DNAH10: variants seen among roughly 807,000 people sequenced by gnomAD.
DNAH10 encodes the protein axonemal beta dynein heavy chain 10.
Under a neutral mutation model 506.6 loss-of-function variants are expected in DNAH10, and 348 were observed. That is an observed-to-expected ratio of 0.69 (90% CI 0.63 to 0.75). DNAH10 has a LOEUF of 0.75. Among genes scored for constraint, DNAH10 ranks in the 30% least tolerant of loss-of-function variants. The probability of loss-of-function intolerance (pLI) is 0.00; values close to 1 mark genes in which losing one functional copy is unlikely to be tolerated. For synonymous variants in DNAH10, 2,059 were observed against 2,198.6 expected, an observed-to-expected ratio of 0.94 and a Z score of 1.78; for missense variants, 5,179 against 5,787.1, an observed-to-expected ratio of 0.89 and a Z score of 3.41.
At chr12:123,763,310 C>T (rs1426279923) in intron 1 of DNAH10, among the ~76,000 whole-genome samples, 2 of 152,098 alleles carry the variant, frequency 1.3e-5, no homozygotes, top group African/African-American at 4.8e-5. Flanking sequence ...GGAGGCAGGA[C>T]AACTCGCTTC....
chr12:123,805,131 G>A (rs951862814), intron 18 of DNAH10, 91 bp downstream of exon 18: 2 of 1,359,484 alleles, frequency 1.5e-6, no homozygotes, highest in South Asian at 1.4e-5. Context: ...GCAAGGTAGA[G>A]AATGAAAATC....
At position 123,894,665 on chromosome 12, in the gene DNAH10, T is replaced by G. The variant is rs1270886341; in HGVS notation, c.9222T>G (p.Ile3074Met). Residue 3074 changes from isoleucine (I) to methionine (M), a missense_variant, in exon 54 of 79, where the codon ATT becomes ATG. This residue lies in a region of DNAH10 where 4,844 missense variants were observed against 5,430.5 expected (regional missense o/e 0.89). Coordinates refer to ENST00000673944, the MANE Select transcript of DNAH10 (RefSeq NM_001372106.1). ...AAGGTATGGTAAATAACACTGGTAT[T>G]GACTGGTTCATGCCCTGGCCTCCCC... is the stretch of plus-strand genomic sequence containing the variant. ...NFPGMVNNTG[I>M]DWFMPWPPQA... is the part of the protein sequence containing the mutation. 1 of 1,614,054 alleles carries G rather than the reference T, an allele frequency of 6.2e-7. No individual in the cohort carries two copies. Among genetic ancestry groups the G allele is most frequent in the East Asian group, 2.2e-5 (1 of 44,884 alleles).
rs1031056746 is a variant in DNAH10, at chr12:123,902,098, A to G, written c.9641-841A>G. Among the ~76,000 whole-genome samples the G allele has an allele frequency of 3.3e-5, 5 of 152,048 alleles. No homozygotes were observed. The highest frequency in any genetic ancestry group is 1.2e-4 in the African/African-American group (5 of 41,384). ...TTGTTGGCAGCCCTTGGTATTCCTT[A>G]GCTTAGCTTATAAATGCACCACTCC... On this transcript the variant is annotated intron_variant, in intron 56 of 78. Transcript: ENST00000673944. This position sits in a 1 kb window ranked among gnomAD's most constrained non-coding sequence, Gnocchi z 4.5.
chr12:123,925,076 G>A lies in DNAH10; in HGVS notation c.11793G>A (p.Gln3931=). 6.2e-7 allele frequency: 1 copy of A among 1,614,014 alleles called. No individual in the cohort carries two copies. The highest frequency in any genetic ancestry group is 8.5e-7 in the Non-Finnish European group (1 of 1,179,882). ...QEWYDLDSLE[Q]FPVPLGYDNN... is the part of the protein sequence containing the mutation. ...GGTATGACCTGGATTCACTGGAGCA[G>A]TTTCCCGTCCCCTTGGGTTACGATA... Residue 3931 remains glutamine, a synonymous_variant, in exon 68 of 79, where the codon CAG becomes CAA. Transcript: ENST00000673944. This position sits in a 1 kb window ranked among gnomAD's most constrained non-coding sequence, Gnocchi z 4.0.
intron 19 of DNAH10, among the ~76,000 whole-genome samples, chr12:123,812,467 C>T (rs1458756556): frequency 6.6e-6 from 1 of 152,014 alleles, no homozygotes; most frequent in Non-Finnish European, 1.5e-5. Flanking sequence ...AACAACAAAA[C>T]AAACAAACAA....
At chr12:123,805,839 T>TGC (rs1958653251) in intron 18 of DNAH10, among the ~76,000 whole-genome samples, 1 of 150,938 alleles carries the variant, frequency 6.6e-6, no homozygotes, top group Non-Finnish European at 1.5e-5. Context: ...TGCAGTGGCA[T>TGC]GATCTCGGCT....
In DNAH10 at chr12:123,893,544, C is replaced by T. The variant is rs551751060; in HGVS notation, c.9199+108C>T. 5.2e-5 allele frequency: 66 copies of T among 1,274,040 alleles called. 1 individual carries two copies. Among genetic ancestry groups the T allele is most frequent in the East Asian group, 9.6e-5 (4 of 41,748 alleles). 78.9% of individuals were successfully genotyped at this position (1,274,040 alleles called of 1,614,324 possible). A position where few individuals can be genotyped will look rare whatever the true frequency, so the allele number is the denominator to read the frequency against. ...TCCCCCAGCAAAGCAAAACAAGACA[C>T]GGCCATTAGGTGGAAATGTGGGCTC... On this transcript the variant is annotated intron_variant, in intron 53 of 78. Coordinates refer to ENST00000673944, the MANE Select transcript of DNAH10 (RefSeq NM_001372106.1).
chr12:123,858,923 G>C (rs1464889466), intron 37 of DNAH10, among the ~76,000 whole-genome samples: 3 of 152,180 alleles, frequency 2.0e-5, no homozygotes, highest in Non-Finnish European at 4.4e-5. Context: ...CAGGGGCTGG[G>C]GGAAAGGGGA....
intron 4 of DNAH10, 39 bp from the exon 5 acceptor site, chr12:123,774,110 C>A: frequency 7.4e-7 from 1 of 1,353,272 alleles, no homozygotes; most frequent in Non-Finnish European, 1.0e-6. Context: ...TGGCTGCTCT[C>A]TCCCACTGAC....
At chr12:123,888,255 A>AGGGAAGGTACCATTAACATCCTC (rs1265930880) in intron 52 of DNAH10, among the ~76,000 whole-genome samples, 3 of 152,150 alleles carry the variant, frequency 2.0e-5, no homozygotes, top group Non-Finnish European at 4.4e-5. Flanking sequence ...CAAACCTAAT[A>AGGGAAGGTACCATTAACATCCTC]GGGAAGGTAC....
chr12:123,803,560 C>T, intron 16 of DNAH10, 101 bp from the exon 17 acceptor site: 1 of 1,214,902 alleles, frequency 8.2e-7, no homozygotes. Flanking sequence ...CAGGGTCTTT[C>T]CTGCAAAGGG....
At chr12:123,765,440 C>T (rs932135819) in intron 1 of DNAH10, among the ~76,000 whole-genome samples, 4 of 152,170 alleles carry the variant, frequency 2.6e-5, no homozygotes, top group Admixed American at 2.0e-4. Flanking sequence ...CTAGGGGTAA[C>T]CACTATTATT....
intron 41 of DNAH10, among the ~76,000 whole-genome samples, 153 bp downstream of exon 41, chr12:123,866,226 ACACTTTTTTTT>A (rs1261695619): frequency 1.2e-5 from 1 of 85,598 alleles, no homozygotes; most frequent in Non-Finnish European, 2.6e-5. Context: ...CATGGCAGAC[ACACTTTTTTTT>A]TTTTTTTTTT....
intron 5 of DNAH10, among the ~76,000 whole-genome samples, chr12:123,775,746 CAT>C (rs1487583407): frequency 4.6e-5 from 7 of 152,040 alleles, no homozygotes; most frequent in African/African-American, 1.7e-4. Flanking sequence ...TGTGGGAAAA[CAT>C]ATTGCTGGGG....
At chr12:123,873,204 C>T (rs1952105954) in intron 45 of DNAH10, among the ~76,000 whole-genome samples, 1 of 152,214 alleles carries the variant, frequency 6.6e-6, no homozygotes, top group African/African-American at 2.4e-5. Flanking sequence ...GATGCCATTA[C>T]GATCGTCTTA....
In DNAH10 at chr12:123,826,743, C is replaced by G. The variant is rs754980240; in HGVS notation, c.4236C>G (p.Leu1412=). 2 of 1,613,842 alleles carry G rather than the reference C, an allele frequency of 1.2e-6. No homozygotes were observed. The highest frequency in any genetic ancestry group is 1.7e-6 in the Non-Finnish European group (2 of 1,179,798). ...GGATCAACCTGAATGTGCAGATTCT[C>G]CAGGAAGGAATTGAAGGTTTTCTCA... ...TLWINLNVQI[L]QEGIEGFLRA... Residue 1412 remains leucine, a synonymous_variant, in exon 25 of 79, where the codon CTC becomes CTG. Coordinates refer to ENST00000673944, the MANE Select transcript of DNAH10 (RefSeq NM_001372106.1).
chr12:123,866,855 A>C (rs1951832011), intron 41 of DNAH10, among the ~76,000 whole-genome samples: 1 of 152,226 alleles, frequency 6.6e-6, no homozygotes, highest in Non-Finnish European at 1.5e-5. Flanking sequence ...TGGATGTGAC[A>C]GTCACGTGCG....
chr12:123,836,731 C>T (rs1456469555), intron 28 of DNAH10, among the ~76,000 whole-genome samples: 3 of 152,090 alleles, frequency 2.0e-5, no homozygotes, highest in African/African-American at 7.2e-5. Context: ...AATTGTACAA[C>T]ACATATCAGG....
intron 61 of DNAH10, 74 bp downstream of exon 61, chr12:123,914,624 G>C: frequency 6.6e-7 from 1 of 1,504,774 alleles, no homozygotes; most frequent in Non-Finnish European, 8.9e-7. Flanking sequence ...GTCACCCTGG[G>C]GGGAGGCAAT....
Sources: allele counts gnomAD v4.1 joint callset (sites outside exome capture counted in the v4.1 genomes callset), GRCh38; gene constraint gnomAD v4.1.1; regional missense constraint gnomAD v4.1.1; non-coding constraint Gnocchi (gnomAD v3.1); transcripts MANE v1.5; gene names NCBI Gene and HGNC (gene_info 2026-07-23, HGNC 2026-07-21).